The following IGLON5 variants were observed in gnomAD, a reference collection of about 807,000 sequenced individuals.
The protein encoded by IGLON5 is Ig-like domain-containing protein ENSP00000270642.
A neutral mutation model predicts 38.2 loss-of-function variants in IGLON5; 16 were observed. The ratio of observed to expected loss-of-function variants is 0.42; its 90% CI spans 0.28 to 0.64. The LOEUF (loss-of-function observed/expected upper bound fraction) is 0.64. Ranked by LOEUF, IGLON5 falls within the 30% of genes least tolerant of loss-of-function variation. The pLI, the probability that IGLON5 is intolerant of heterozygous loss-of-function variation, is 0.23. For missense variants in IGLON5, 366 were observed against 483.4 expected (o/e 0.76, Z 2.28); for synonymous variants, 207 against 216.4 (o/e 0.96, Z 0.38).
At chr19:51,319,173 C>T (rs1037627906) in intron 1 of IGLON5, among the ~76,000 whole-genome samples, 1 of 152,184 alleles carries the variant, frequency 6.6e-6, no homozygotes, top group African/African-American at 2.4e-5. Context: ...AGGGTACGTG[C>T]CTGTCTGTTT....
intron 1 of IGLON5, among the ~76,000 whole-genome samples, chr19:51,312,387 G>C (rs1003973131): frequency 3.9e-5 from 6 of 152,124 alleles, no homozygotes; most frequent in Non-Finnish European, 1.5e-5. Context: ...CCTTGCCGGG[G>C]GCTGGGGTAG....
Position 51,324,487 on chromosome 19 carries a change from A to AGAGACAGGACCTGGAGACAGAGAG in IGLON5, c.391+594_391+617dup, listed in dbSNP as rs1985164493. Among the ~76,000 whole-genome samples, 1 of 152,046 alleles carries AGAGACAGGACCTGGAGACAGAGAG rather than the reference A, an allele frequency of 6.6e-6. No homozygotes were observed. The highest frequency in any genetic ancestry group is 2.4e-5 in the African/African-American group (1 of 41,386). ...ATGGTGGAGGGTAGGGAGCACCTGG[A>AGAGACAGGACCTGGAGACAGAGAG]GAGACAGGACCTGGAGACAGAGAGA... is the stretch of plus-strand genomic sequence containing the variant. On this transcript the variant is annotated intron_variant, in intron 3 of 7. Transcript: ENST00000270642. This position sits in a 1 kb window ranked among gnomAD's most constrained non-coding sequence, Gnocchi z 4.2.
intron 5 of IGLON5, 88 bp downstream of exon 5, chr19:51,326,986 G>C: frequency 6.3e-7 from 1 of 1,582,170 alleles, no homozygotes; most frequent in South Asian, 1.1e-5. Context: ...AAGCGGGGGC[G>C]AGACTTACGG....
chr19:51,327,718 C>A lies in IGLON5; in HGVS notation c.768-14C>A. 1 of 1,561,406 alleles carries A rather than the reference C, an allele frequency of 6.4e-7. No individual in the cohort carries two copies. The highest frequency in any genetic ancestry group is 8.6e-7 in the Non-Finnish European group (1 of 1,158,246). On this transcript the variant is annotated splice_polypyrimidine_tract_variant and intron_variant, in intron 6 of 7. Transcript: ENST00000270642. This position sits in a 1 kb window ranked among gnomAD's most constrained non-coding sequence, Gnocchi z 7.1. ...GGGCGCTGCGGCCCGGCCCCTGACC[C>A]GGATCCCTGGCAGGCTGAGCAGCGG...
intron 2 of IGLON5, among the ~76,000 whole-genome samples, chr19:51,323,430 C>T (rs927526735): frequency 2.0e-5 from 3 of 152,216 alleles, no homozygotes; most frequent in Admixed American, 1.3e-4. Context: ...CTGACACACA[C>T]GATCACTCAA....
rs929982550 is a variant in IGLON5, at chr19:51,311,872, C to G, written c.25C>G (p.Arg9Gly). ...GATGCCCCCCCCTGCGCCCGGGGCC[C>G]GGCTCCGGCTTCTCGCCGCCGCCGC... MPPPAPGA[R>G]LRLLAAAALA... The change falls in exon 1 of 8, where the codon CGG (arginine) becomes GGG (glycine). Residue 9 changes from arginine (R) to glycine (G), a missense_variant. By Grantham distance (125) the Arg-to-Gly change is moderately radical. Transcript: ENST00000270642. The G allele has an allele frequency of 3.0e-6, 4 of 1,348,110 alleles. No homozygotes were observed. The highest frequency in any genetic ancestry group is 2.9e-6 in the Non-Finnish European group (3 of 1,045,606). 83.5% of individuals were successfully genotyped at this position (1,348,110 alleles called of 1,614,324 possible).
intron 5 of IGLON5, 42 bp downstream of exon 5, chr19:51,326,940 C>A: frequency 6.4e-7 from 1 of 1,572,932 alleles, no homozygotes; most frequent in Admixed American, 1.9e-5. Flanking sequence ...TGGCGGACCC[C>A]CGAGTCCCTG....
At chr19:51,316,741 G>A (rs963061778) in intron 1 of IGLON5, among the ~76,000 whole-genome samples, 8 of 152,008 alleles carry the variant, frequency 5.3e-5, no homozygotes, top group South Asian at 2.1e-4. Flanking sequence ...CAATCCATCC[G>A]CCTTGGCCTC....
In IGLON5 at chr19:51,323,650, T is replaced by C. The variant is rs767571112; in HGVS notation, c.159-12T>C. 1 of 1,598,648 alleles carries C rather than the reference T, an allele frequency of 6.3e-7. No homozygotes were observed. The highest frequency in any genetic ancestry group is 1.7e-5 in the Admixed American group (1 of 59,520). On this transcript the variant is annotated splice_polypyrimidine_tract_variant and intron_variant, in intron 2 of 7. Transcript: ENST00000270642. ...GGGTGGAGAAAAACCTTCCCACTCA[T>C]TCTCCCTGCAGCTGCTTCATCGACG...
At chr19:51,326,986 G>T in intron 5 of IGLON5, 88 bp downstream of exon 5, 1 of 1,582,170 alleles carries the variant, frequency 6.3e-7, no homozygotes, top group East Asian at 2.3e-5. Flanking sequence ...AAGCGGGGGC[G>T]AGACTTACGG....
At chr19:51,318,758 T>A (rs936946032) in intron 1 of IGLON5, among the ~76,000 whole-genome samples, 1 of 151,890 alleles carries the variant, frequency 6.6e-6, no homozygotes, top group Non-Finnish European at 1.5e-5. Flanking sequence ...AAATAAAAAA[T>A]AAAGCCCCAA....
chr19:51,318,628 G>C (rs1599823874), intron 1 of IGLON5, among the ~76,000 whole-genome samples: 1 of 152,134 alleles, frequency 6.6e-6, no homozygotes, highest in Non-Finnish European at 1.5e-5. Context: ...CCAGCTACTC[G>C]GGAGGCTGAG....
At position 51,325,352 on chromosome 19, in the gene IGLON5, C is replaced by A. The variant is rs770888242; in HGVS notation, c.398C>A (p.Ala133Asp). Residue 133 changes from alanine to aspartate, a missense_variant, in exon 4 of 8, where the codon GCC becomes GAC. Ala to Asp is a moderately radical substitution (Grantham distance 126). Transcript: ENST00000270642. This position sits in a 1 kb window ranked among gnomAD's most constrained non-coding sequence, Gnocchi z 5.5. ...TQVYLIVHVP[A>D]RIVNISSPVT... ...CCTCTGCCGCTGCCCGCAGTCCCTG[C>A]CCGCATTGTGAACATCTCGTCGCCT... 3.7e-6 allele frequency: 6 copies of A among 1,613,706 alleles called. No individual in the cohort carries two copies. The highest frequency in any genetic ancestry group is 5.1e-6 in the Non-Finnish European group (6 of 1,179,768).
chr19:51,312,950 G>T (rs1048493777), intron 1 of IGLON5, among the ~76,000 whole-genome samples: 1 of 152,206 alleles, frequency 6.6e-6, no homozygotes, highest in South Asian at 2.1e-4. Flanking sequence ...GGAGGGCAGG[G>T]AGCTGGGTTA....
chr19:51,326,507 C>T (rs1018862889), intron 4 of IGLON5, among the ~76,000 whole-genome samples: 1 of 152,190 alleles, frequency 6.6e-6, no homozygotes, highest in African/African-American at 2.4e-5. Context: ...GAGGGATCTC[C>T]TGAACCCTTA....
Position 51,330,406 on chromosome 19 carries a change from AG to A in IGLON5, c.*1650del, listed in dbSNP as rs1322356956. On this transcript the variant is annotated 3_prime_UTR_variant, in exon 8 of 8. Coordinates refer to ENST00000270642, the MANE Select transcript of IGLON5 (RefSeq NM_001101372.3). ...AAGGATTAGAGTTAATGAAGGGCAAAGGGTAGCAGTCAATTGGTGGTGCCTC... is the reference window on the plus strand; with the variant it reads ...AAGGATTAGAGTTAATGAAGGGCAAAGGTAGCAGTCAATTGGTGGTGCCTC... The A allele has an allele frequency of 6.6e-6, 1 of 152,248 alleles. No homozygotes were observed. The highest frequency in any genetic ancestry group is 6.5e-5 in the Admixed American group (1 of 15,286). 9.4% of individuals were successfully genotyped at this position (152,248 alleles called of 1,614,324 possible).
intron 1 of IGLON5, among the ~76,000 whole-genome samples, chr19:51,321,371 G>C (rs1201200559): frequency 6.6e-6 from 1 of 152,116 alleles, no homozygotes; most frequent in Non-Finnish European, 1.5e-5. Flanking sequence ...TAGAGATGGG[G>C]TTTTACCATG....
Position 51,324,140 on chromosome 19 carries a change from G to A in IGLON5, c.391+246G>A, listed in dbSNP as rs7256949. Among the ~76,000 whole-genome samples, 6,523 of 152,168 alleles carry A rather than the reference G, an allele frequency of 0.043. 498 individuals carry two copies. Among genetic ancestry groups the A allele is most frequent in the African/African-American group, 0.15 (6,133 of 41,470 alleles). Reference sequence around the variant, plus strand: ...GAGGGGGTGCTTGGGGGAAGACCACGTTCATTTGTTCAGCCCCATTCCTGG... The same window carrying A: ...GAGGGGGTGCTTGGGGGAAGACCACATTCATTTGTTCAGCCCCATTCCTGG... On this transcript the variant is annotated intron_variant, in intron 3 of 7. Coordinates refer to ENST00000270642, the MANE Select transcript of IGLON5 (RefSeq NM_001101372.3). This position sits in a 1 kb window ranked among gnomAD's most constrained non-coding sequence, Gnocchi z 4.2.
intron 2 of IGLON5, among the ~76,000 whole-genome samples, chr19:51,322,955 G>A (rs1049507824): frequency 1.4e-5 from 2 of 144,720 alleles, no homozygotes; most frequent in Non-Finnish European, 3.0e-5. Flanking sequence ...CTCTGTCTCT[G>A]GGTCTCTGTC....
Sources: gnomAD v4.1 joint callset for allele counts (sites outside exome capture counted in the v4.1 genomes callset) on GRCh38, gnomAD v4.1.1 for gene constraint, Gnocchi (gnomAD v3.1) non-coding constraint, MANE v1.5 for transcripts, NCBI Gene and HGNC (gene_info 2026-07-23, HGNC 2026-07-21) for gene names.